COL23A1: variants seen among roughly 807,000 people sequenced by gnomAD.
COL23A1 encodes collagen type XXIII alpha 1 chain.
Under a neutral mutation model 99.3 loss-of-function variants are expected in COL23A1, and 97 were observed. That is an observed-to-expected ratio of 0.98 (90% CI 0.83 to 1.16). The LOEUF is 1.16. Ranked by LOEUF, COL23A1 falls within the 50% of genes most tolerant of loss-of-function variation. The pLI is 0.00. For synonymous variants in COL23A1, 320 were observed against 308.2 expected, an observed-to-expected ratio of 1.04 and a Z score of -0.40; for missense variants, 762 against 757.4, an observed-to-expected ratio of 1.01 and a Z score of -0.07.
Position 178,574,478 on chromosome 5 carries a change from C to T in COL23A1, c.295-13730G>A, listed in dbSNP as rs73346569. Among the ~76,000 whole-genome samples the T allele has an allele frequency of 8.4e-3, 1,285 of 152,132 alleles. 23 individuals carry two copies. The highest frequency in any genetic ancestry group is 0.029 in the African/African-American group (1,219 of 41,498). ...TCTCAGTGGAATCCCACAAGGAAAC[C>T]GTGCCAGCCCCTCCATTTGTCCAAG... is the stretch of plus-strand genomic sequence containing the variant. On this transcript the variant is annotated intron_variant, in intron 1 of 28. Transcript: ENST00000390654.
At chr5:178,420,356 GCCCCTCCTCTCTTTCCTCCTCCCCTC>G (rs1765539250) in intron 2 of COL23A1, among the ~76,000 whole-genome samples, 2 of 123,758 alleles carry the variant, frequency 1.6e-5, no homozygotes, top group Non-Finnish European at 3.4e-5. Flanking sequence ...CTCCTCCCCT[GCCCCTCCTCTCTTTCCTCCTCCCCTC>G]CCCCCTTTCC....
intron 2 of COL23A1, among the ~76,000 whole-genome samples, chr5:178,482,963 T>G (rs931990401): frequency 1.3e-5 from 2 of 152,022 alleles, no homozygotes; most frequent in African/African-American, 4.8e-5. Context: ...TCCCAGCTAC[T>G]TGGGAGGCTA....
At chr5:178,285,205 C>T (rs1757090412) in intron 5 of COL23A1, among the ~76,000 whole-genome samples, 1 of 152,184 alleles carries the variant, frequency 6.6e-6, no homozygotes, top group African/African-American at 2.4e-5. Flanking sequence ...CAGGTCCACA[C>T]ATGGACCTGG....
intron 2 of COL23A1, among the ~76,000 whole-genome samples, chr5:178,345,881 G>A (rs1016892489): frequency 8.6e-5 from 13 of 151,910 alleles, no homozygotes; most frequent in Non-Finnish European, 1.6e-4. Context: ...AAAAATTTTG[G>A]GAGGACATGG....
At chr5:178,412,461 A>G (rs965153978) in intron 2 of COL23A1, among the ~76,000 whole-genome samples, 1 of 152,200 alleles carries the variant, frequency 6.6e-6, no homozygotes, top group African/African-American at 2.4e-5. Context: ...CAGTTCTCCA[A>G]TTCCCAAAGT....
chr5:178,257,080 C>A, intron 13 of COL23A1, 152 bp from the exon 14 acceptor site: 1 of 684,824 alleles, frequency 1.5e-6, no homozygotes, highest in Non-Finnish European at 2.5e-6. Context: ...GCGGATGGAC[C>A]TCAGGCCTCT....
At chr5:178,561,233 G>T (rs1762543968) in intron 1 of COL23A1, among the ~76,000 whole-genome samples, 1 of 152,224 alleles carries the variant, frequency 6.6e-6, no homozygotes, top group Admixed American at 6.5e-5. Flanking sequence ...CCTGGGACCT[G>T]ATGGCCCGGG....
chr5:178,333,416 G>A (rs537812604), intron 2 of COL23A1, among the ~76,000 whole-genome samples: 19 of 152,116 alleles, frequency 1.2e-4, no homozygotes, highest in South Asian at 4.1e-4. Flanking sequence ...TGAATCCAGC[G>A]TCCTCCCTCA....
chr5:178,306,578 TCA>T lies in COL23A1; in HGVS notation c.406+295_406+296del, dbSNP rs1758366456. 8.0e-6 allele frequency among the ~76,000 whole-genome samples: 1 copy of T among 124,612 alleles called. No individual in the cohort carries two copies. The highest frequency in any genetic ancestry group is 1.6e-5 in the Non-Finnish European group (1 of 62,262). 81.8% of individuals were successfully genotyped at this position (124,612 alleles called of 152,430 possible). A position where few individuals can be genotyped will look rare whatever the true frequency, so the allele number is the denominator to read the frequency against. On this transcript the variant is annotated intron_variant, in intron 3 of 28. Transcript: ENST00000390654. The surrounding 1 kb of genome is among the most constrained non-coding windows in gnomAD (Gnocchi z 4.1). ...GCTGGCGGAGTCATCACCTTCTGCCTCAGAGAGAGGGGGCTGCTCTGGAGTGG... is the reference window on the plus strand; with the variant it reads ...GCTGGCGGAGTCATCACCTTCTGCCTGAGAGAGGGGGCTGCTCTGGAGTGG...
chr5:178,533,768 A>G (rs977259512), intron 2 of COL23A1, among the ~76,000 whole-genome samples: 1 of 152,212 alleles, frequency 6.6e-6, no homozygotes, highest in Admixed American at 6.5e-5. Context: ...AAGTGCTGGG[A>G]TTACAGGCAT....
chr5:178,585,526 G>GCTGGGGGTA (rs1763916412), intron 1 of COL23A1, among the ~76,000 whole-genome samples: 1 of 149,068 alleles, frequency 6.7e-6, no homozygotes, highest in Admixed American at 6.6e-5. Flanking sequence ...GTCCCTGGAT[G>GCTGGGGGTA]ACGCTGGAGT....
chr5:178,388,513 C>T (rs568931824), intron 2 of COL23A1, among the ~76,000 whole-genome samples: 1 of 152,286 alleles, frequency 6.6e-6, no homozygotes, highest in Admixed American at 6.5e-5. Context: ...GGAAGCAGCC[C>T]AGGGGATCCC....
chr5:178,579,642 C>T (rs899188160), intron 1 of COL23A1, among the ~76,000 whole-genome samples: 5 of 152,064 alleles, frequency 3.3e-5, no homozygotes, highest in Admixed American at 2.0e-4. Context: ...TTAGGAGAGA[C>T]GGGGTTTCAC....
At chr5:178,581,790 T>C (rs984055629) in intron 1 of COL23A1, among the ~76,000 whole-genome samples, 1 of 152,090 alleles carries the variant, frequency 6.6e-6, no homozygotes, top group Non-Finnish European at 1.5e-5. Context: ...TGATGGGATA[T>C]ACGGTACAGT....
intron 2 of COL23A1, among the ~76,000 whole-genome samples, chr5:178,435,268 G>C (rs1766494830): frequency 6.6e-6 from 1 of 152,208 alleles, no homozygotes; most frequent in Non-Finnish European, 1.5e-5. Context: ...GGGAATGGGA[G>C]TGTGGCTCAT....
chr5:178,389,455 C>T lies in COL23A1; in HGVS notation c.362-82536G>A, dbSNP rs532825503. Among the ~76,000 whole-genome samples the T allele has an allele frequency of 2.6e-5, 4 of 152,318 alleles. No individual in the cohort carries two copies. The East Asian group carries it at 7.7e-4, about 29-fold the overall frequency. On this transcript the variant is annotated intron_variant, in intron 2 of 28. Coordinates refer to ENST00000390654, the MANE Select transcript of COL23A1 (RefSeq NM_173465.4). Reference sequence around the variant, plus strand: ...GACTAAGCTGCACAAAAGCTTCAGACCTCACCCAGATGGCGAGACATTCAC... The same window carrying T: ...GACTAAGCTGCACAAAAGCTTCAGATCTCACCCAGATGGCGAGACATTCAC...
chr5:178,540,367 ATAT>A (rs1012640454), intron 2 of COL23A1, among the ~76,000 whole-genome samples: 1 of 152,240 alleles, frequency 6.6e-6, no homozygotes, highest in Non-Finnish European at 1.5e-5. Flanking sequence ...AATTTTAAAA[ATAT>A]TATTATTTAA....
At chr5:178,566,853 T>A (rs140099237) in intron 1 of COL23A1, among the ~76,000 whole-genome samples, 44 of 151,970 alleles carry the variant, frequency 2.9e-4, no homozygotes, top group African/African-American at 1.0e-3. Context: ...ACTCTAAGGC[T>A]GAAGACAAAA....
In COL23A1 at chr5:178,237,780, C is replaced by G. The variant is rs1276162786; in HGVS notation, c.*918G>C. Reference sequence around the variant, plus strand: ...GTGGCAGGCCCCCTGCTCAGGCCAGCTGGGAACCAGCCCTGAGCTTTGCTT... The same window carrying G: ...GTGGCAGGCCCCCTGCTCAGGCCAGGTGGGAACCAGCCCTGAGCTTTGCTT... On this transcript the variant is annotated 3_prime_UTR_variant, in exon 29 of 29. Coordinates refer to ENST00000390654, the MANE Select transcript of COL23A1 (RefSeq NM_173465.4). The G allele has an allele frequency of 6.6e-6, 1 of 152,394 alleles. No homozygotes were observed. 9.4% of individuals were successfully genotyped at this position (152,394 alleles called of 1,614,324 possible). A position where few individuals can be genotyped will look rare whatever the true frequency, so the allele number is the denominator to read the frequency against.
Sources: allele counts gnomAD v4.1 joint callset (sites outside exome capture counted in the v4.1 genomes callset), GRCh38; gene constraint gnomAD v4.1.1; non-coding constraint Gnocchi (gnomAD v3.1); transcripts MANE v1.5; gene names NCBI Gene and HGNC (gene_info 2026-07-23, HGNC 2026-07-21).